The following PLD5 variants were observed in gnomAD, a reference collection of about 807,000 sequenced individuals.
PLD5 encodes the protein inactive phospholipase D5.
A neutral mutation model predicts 61.1 loss-of-function variants in PLD5; 36 were observed. The ratio of observed to expected loss-of-function variants is 0.59; its 90% CI spans 0.45 to 0.78. The LOEUF (loss-of-function observed/expected upper bound fraction) is 0.78, where lower values mean the gene tolerates loss of function less well. PLD5 is among the 30% of genes least tolerant of loss of function. The pLI is 0.00. For synonymous variants in PLD5, 243 were observed against 242.8 expected, an observed-to-expected ratio of 1.00 and a Z score of -0.01; for missense variants, 515 against 644.4, an observed-to-expected ratio of 0.80 and a Z score of 2.17.
At chr1:242,264,248 AC>A (rs1673529874) in intron 4 of PLD5, among the ~76,000 whole-genome samples, 1 of 152,214 alleles carries the variant, frequency 6.6e-6, no homozygotes, top group African/African-American at 2.4e-5. Flanking sequence ...CTGGGCACTT[AC>A]AAGTTTTTCA....
chr1:242,505,810 C>G (rs191160025), intron 1 of PLD5, among the ~76,000 whole-genome samples: 1 of 152,224 alleles, frequency 6.6e-6, no homozygotes, highest in African/African-American at 2.4e-5. Flanking sequence ...ACAGACCAAC[C>G]AGCCTGCTGG....
intron 5 of PLD5, among the ~76,000 whole-genome samples, chr1:242,168,652 G>A (rs540304493): frequency 6.6e-6 from 1 of 152,164 alleles, no homozygotes; most frequent in Admixed American, 6.5e-5. Context: ...AAGCTTGTTG[G>A]GAATGAGTTA....
chr1:242,389,036 A>G (rs12088507), intron 1 of PLD5, among the ~76,000 whole-genome samples: 2,526 of 149,954 alleles, frequency 0.017, 75 homozygotes, highest in African/African-American at 0.059. Context: ...GGCTGGTGAC[A>G]GAGTGAGACT....
intron 1 of PLD5, among the ~76,000 whole-genome samples, chr1:242,357,108 G>A (rs930895134): frequency 6.6e-6 from 1 of 151,984 alleles, no homozygotes; most frequent in Non-Finnish European, 1.5e-5. Flanking sequence ...CTGTAAGAGA[G>A]ACCTAATAAT....
chr1:242,429,075 C>T (rs1237286090), intron 1 of PLD5, among the ~76,000 whole-genome samples: 1 of 152,122 alleles, frequency 6.6e-6, no homozygotes, highest in East Asian at 1.9e-4. Flanking sequence ...CTGTGAACAG[C>T]GAGCTACAGT....
At chr1:242,097,659 T>C (rs1660355022) in intron 9 of PLD5, among the ~76,000 whole-genome samples, 2 of 152,240 alleles carry the variant, frequency 1.3e-5, no homozygotes, top group African/African-American at 4.8e-5. Context: ...CTTTGTCAGA[T>C]GAGTAGATTG....
Position 242,220,100 on chromosome 1 carries a change from T to C in PLD5, c.623A>G (p.Tyr208Cys). The change falls in exon 5 of 10, where the codon TAC becomes TGC. Residue 208 changes from tyrosine to cysteine, a missense_variant. Tyr to Cys is a radical substitution (Grantham distance 194). Transcript: ENST00000536534. ...CTTGTTGTAAGCGGTCATGTTCATGTACGTCACCTCGGCTCCTAGGAGTTC... is the reference window on the plus strand; with the variant it reads ...CTTGTTGTAAGCGGTCATGTTCATGCACGTCACCTCGGCTCCTAGGAGTTC... ...ALKLKGAEVT[Y>C]MNMTAYNKGR... 1.2e-6 allele frequency: 2 copies of C among 1,614,200 alleles called. No homozygotes were observed. Among genetic ancestry groups the C allele is most frequent in the Non-Finnish European group, 1.7e-6 (2 of 1,180,016 alleles).
rs1659384783 is a variant in PLD5, at chr1:242,084,904, G to A, written c.*4950C>T. 6.6e-6 allele frequency: 1 copy of A among 151,882 alleles called. No homozygotes were observed. Among genetic ancestry groups the A allele is most frequent in the African/African-American group, 2.4e-5 (1 of 41,350 alleles). The allele number at this position is 151,882 out of a possible 1,614,324, so 9.4% of individuals were successfully genotyped here. ...ACCACAGTACAGCTTGGTTACTGATGAGAGACTGATTTGTTTCTGAGATCA... is the reference window on the plus strand; with the variant it reads ...ACCACAGTACAGCTTGGTTACTGATAAGAGACTGATTTGTTTCTGAGATCA... On this transcript the variant is annotated 3_prime_UTR_variant, in exon 10 of 10. Transcript: ENST00000536534.
intron 1 of PLD5, among the ~76,000 whole-genome samples, chr1:242,407,561 G>GC (rs1664305595): frequency 1.5e-5 from 2 of 130,324 alleles, no homozygotes; most frequent in Admixed American, 1.5e-4. Context: ...TGGTTGTTTT[G>GC]TTTTTTTTTT....
At chr1:242,109,302 AC>A (rs1476952063) in intron 7 of PLD5, among the ~76,000 whole-genome samples, 1 of 152,180 alleles carries the variant, frequency 6.6e-6, no homozygotes, top group East Asian at 1.9e-4. Context: ...ACATGGTGAA[AC>A]CCCGTCTCTA....
Position 242,100,726 on chromosome 1 carries a change from G to A in PLD5, c.1296C>T (p.His432=). The part of the protein sequence containing the change: ...NACATKEQKN[H]TFPRLNRNKY... ...TGTTGCGATTTAACCTAGGAAAGGT[G>A]TGATTCTTTTGTTCTTTTGTAGCAC... Residue 432 remains histidine (H), a synonymous_variant, in exon 9 of 10, where the codon CAC becomes CAT. Coordinates refer to ENST00000536534, the MANE Select transcript of PLD5 (RefSeq NM_001372062.1). 2 of 1,613,916 alleles carry A rather than the reference G, an allele frequency of 1.2e-6. No homozygotes were observed. The highest frequency in any genetic ancestry group is 2.2e-5 in the East Asian group (1 of 44,848).
intron 1 of PLD5, among the ~76,000 whole-genome samples, chr1:242,378,549 T>G (rs1277935443): frequency 1.3e-5 from 2 of 151,938 alleles, no homozygotes; most frequent in Non-Finnish European, 2.9e-5. Context: ...AAAAAACAAT[T>G]AAAAAAACCA....
At chr1:242,327,198 G>A (rs188147228) in intron 2 of PLD5, among the ~76,000 whole-genome samples, 29 of 151,608 alleles carry the variant, frequency 1.9e-4, no homozygotes, top group Admixed American at 1.8e-3. Context: ...GTAGAAACGG[G>A]GTCTCACTAT....
intron 1 of PLD5, among the ~76,000 whole-genome samples, chr1:242,430,446 A>C (rs1665656198): frequency 6.6e-6 from 1 of 151,974 alleles, no homozygotes; most frequent in Admixed American, 6.6e-5. Context: ...ACATCATCTA[A>C]AGCTAATTAC....
At chr1:242,281,300 A>G (rs1348221253) in intron 3 of PLD5, among the ~76,000 whole-genome samples, 1 of 152,168 alleles carries the variant, frequency 6.6e-6, no homozygotes, top group Non-Finnish European at 1.5e-5. Flanking sequence ...AATATTGCAG[A>G]AAAGGAATGA....
chr1:242,237,819 T>G (rs1423129342), intron 4 of PLD5, among the ~76,000 whole-genome samples: 1 of 152,118 alleles, frequency 6.6e-6, no homozygotes, highest in African/African-American at 2.4e-5. Context: ...AAAACAAGAT[T>G]CTCGTTAAAT....
At chr1:242,356,448 C>T (rs1438982688) in intron 1 of PLD5, among the ~76,000 whole-genome samples, 1 of 151,842 alleles carries the variant, frequency 6.6e-6, no homozygotes, top group Non-Finnish European at 1.5e-5. Context: ...TGTTCAATCT[C>T]TGTGTTCTTT....
intron 5 of PLD5, among the ~76,000 whole-genome samples, chr1:242,149,390 T>A (rs1664763717): frequency 6.6e-6 from 1 of 151,870 alleles, no homozygotes; most frequent in African/African-American, 2.4e-5. Flanking sequence ...TGCTAGTATG[T>A]TATTGAGAAC....
At chr1:242,396,397 T>A (rs1663574000) in intron 1 of PLD5, among the ~76,000 whole-genome samples, 1 of 152,112 alleles carries the variant, frequency 6.6e-6, no homozygotes, top group Non-Finnish European at 1.5e-5. Context: ...AGAAATGCCC[T>A]CCTGACCCCA....
Sources: gnomAD v4.1 joint callset for allele counts (sites outside exome capture counted in the v4.1 genomes callset) on GRCh38, gnomAD v4.1.1 for gene constraint, MANE v1.5 for transcripts, NCBI Gene and HGNC (gene_info 2026-07-23, HGNC 2026-07-21) for gene names.